XRRA1: variants seen among roughly 807,000 people sequenced by gnomAD.
XRRA1 encodes the protein X-ray radiation resistance-associated protein 1.
Under a neutral mutation model 80.2 loss-of-function variants are expected in XRRA1, and 69 were observed. The ratio of observed to expected loss-of-function variants is 0.86; its 90% CI spans 0.71 to 1.05. The LOEUF is 1.05. XRRA1 is among the 50% of genes least tolerant of loss of function. The probability of loss-of-function intolerance (pLI) is 0.00; values close to 1 mark genes in which losing one functional copy is unlikely to be tolerated. For synonymous variants in XRRA1, 348 were observed against 389.9 expected (o/e 0.89, Z 1.27); for missense variants, 967 against 976.4 (o/e 0.99, Z 0.13).
chr11:74,847,421 C>T lies in XRRA1; in HGVS notation c.1728+694G>A, dbSNP rs1365190552. 2.0e-5 allele frequency among the ~76,000 whole-genome samples: 3 copies of T among 152,310 alleles called. No individual in the cohort carries two copies. The East Asian group carries it at 5.8e-4, about 29-fold the overall frequency. On this transcript the variant is annotated intron_variant, in intron 15 of 18. Transcript: ENST00000684022. ...CCTTATATTACCCTTTGCCACATGC[C>T]ACCCTTCTGCTGCACTGACACTAAA...
chr11:74,906,104 C>T (rs2054520251), intron 10 of XRRA1, 135 bp downstream of exon 10: 2 of 786,688 alleles, frequency 2.5e-6, no homozygotes, highest in African/African-American at 3.5e-5. Flanking sequence ...AACATAGATG[C>T]AAACATCCTT....
intron 10 of XRRA1, among the ~76,000 whole-genome samples, chr11:74,874,772 C>T (rs1255109023): frequency 1.3e-5 from 2 of 152,222 alleles, no homozygotes; most frequent in African/African-American, 2.4e-5. Context: ...CTGAACATGA[C>T]TGTGAACAAG....
chr11:74,903,713 A>G (rs1053642624), intron 10 of XRRA1, among the ~76,000 whole-genome samples: 3 of 152,220 alleles, frequency 2.0e-5, no homozygotes, highest in African/African-American at 7.2e-5. Context: ...AAAAAAATAA[A>G]ATAAAAAGCC....
At chr11:74,869,256 G>C (rs772116567) in intron 10 of XRRA1, among the ~76,000 whole-genome samples, 2 of 152,048 alleles carry the variant, frequency 1.3e-5, no homozygotes, top group Admixed American at 6.6e-5. Flanking sequence ...GGTAAATAAT[G>C]AAATTAAGGG....
intron 10 of XRRA1, chr11:74,864,122 T>C (rs1178096823): frequency 1.3e-5 from 2 of 152,198 alleles, no homozygotes; most frequent in Non-Finnish European, 2.9e-5. Flanking sequence ...ACAGTTTATT[T>C]AACAAAAGTT....
At chr11:74,904,401 G>A (rs1446407784) in intron 10 of XRRA1, among the ~76,000 whole-genome samples, 2 of 151,758 alleles carry the variant, frequency 1.3e-5, no homozygotes, top group African/African-American at 4.8e-5. Flanking sequence ...CAACAATACA[G>A]TTTGAGCACG....
Position 74,906,386 on chromosome 11 carries a change from C to A in XRRA1, c.856G>T (p.Asp286Tyr), listed in dbSNP as rs533288710. 6.2e-7 allele frequency: 1 copy of A among 1,613,996 alleles called. No individual in the cohort carries two copies. The highest frequency in any genetic ancestry group is 1.7e-5 in the Admixed American group (1 of 60,014). ...IPYLQQVQLY[D>Y]ESVDWNGGRG... ...CCTCCATTCCAGTCTACTGACTCGT[C>A]ATAGAGCTGAACTTGCTGTAGGTAT... The change falls in exon 10 of 19, where the codon GAC (aspartate) becomes TAC (tyrosine). Residue 286 changes from aspartate (D) to tyrosine (Y), a missense_variant. Physicochemically the swap from Asp to Tyr is radical, Grantham distance 160 (BLOSUM62 -3). Coordinates refer to ENST00000684022, the MANE Select transcript of XRRA1 (RefSeq NM_001378157.1).
chr11:74,929,292 GTCTC>G (rs147009951), intron 6 of XRRA1, among the ~76,000 whole-genome samples: 1 of 151,276 alleles, frequency 6.6e-6, no homozygotes, highest in East Asian at 1.9e-4. Flanking sequence ...ATCTCTGTCT[GTCTC>G]TCTCTCTCTC....
At chr11:74,900,577 C>T (rs2053405824) in intron 10 of XRRA1, among the ~76,000 whole-genome samples, 1 of 143,878 alleles carries the variant, frequency 7.0e-6, no homozygotes, top group African/African-American at 2.5e-5. Flanking sequence ...AGTGAAACTC[C>T]ATCTCAAGAA....
chr11:74,873,453 T>A (rs1024556659), intron 10 of XRRA1, among the ~76,000 whole-genome samples: 2 of 152,226 alleles, frequency 1.3e-5, no homozygotes, highest in African/African-American at 4.8e-5. Context: ...TTTTTCTATA[T>A]AGCGTTACAT....
At chr11:74,905,660 G>C (rs951538264) in intron 10 of XRRA1, among the ~76,000 whole-genome samples, 3 of 152,168 alleles carry the variant, frequency 2.0e-5, no homozygotes, top group Non-Finnish European at 4.4e-5. Context: ...AGCAGTAGCT[G>C]AATCTAGTTT....
At chr11:74,889,725 GAAAACAA>G (rs1304525613) in intron 10 of XRRA1, among the ~76,000 whole-genome samples, 1 of 151,728 alleles carries the variant, frequency 6.6e-6, no homozygotes, top group Non-Finnish European at 1.5e-5. Context: ...CAAGCAAGTG[GAAAACAA>G]AAAAAGGCAG....
intron 4 of XRRA1, 86 bp downstream of exon 4, chr11:74,936,798 G>T: frequency 2.8e-6 from 4 of 1,447,450 alleles, no homozygotes; most frequent in East Asian, 4.9e-5. Context: ...ATTGGGGGTA[G>T]TTGTGCCAGA....
chr11:74,921,196 C>T lies in XRRA1; in HGVS notation c.656+18G>A. On this transcript the variant is annotated intron_variant, in intron 8 of 18. Transcript: ENST00000684022. ...TGTACACAAAAACACAGAATGGACT[C>T]CAGGAGGTAGAACTTACTGTTCTGC... 6.2e-7 allele frequency: 1 copy of T among 1,612,206 alleles called. No individual in the cohort carries two copies. Among genetic ancestry groups the T allele is most frequent in the Non-Finnish European group, 8.5e-7 (1 of 1,178,688 alleles).
intron 1 of XRRA1, among the ~76,000 whole-genome samples, chr11:74,946,601 G>C (rs912808114): frequency 2.6e-5 from 4 of 152,068 alleles, no homozygotes; most frequent in South Asian, 4.1e-4. Flanking sequence ...ACCCAGTCTT[G>C]AGCAGTTCTT....
intron 9 of XRRA1, 171 bp downstream of exon 9, chr11:74,906,973 TG>T: frequency 1.2e-6 from 1 of 809,290 alleles, no homozygotes; most frequent in Non-Finnish European, 1.9e-6. Flanking sequence ...GCCATTTTTA[TG>T]GAGGAGCCAA....
intron 11 of XRRA1, among the ~76,000 whole-genome samples, chr11:74,862,652 C>A (rs1267719635): frequency 1.3e-5 from 2 of 152,190 alleles, no homozygotes; most frequent in Non-Finnish European, 2.9e-5. Context: ...CACTTCAATG[C>A]CAATTTTATC....
intron 10 of XRRA1, among the ~76,000 whole-genome samples, chr11:74,894,264 G>A (rs1037672906): frequency 2.0e-5 from 3 of 152,138 alleles, no homozygotes; most frequent in Non-Finnish European, 2.9e-5. Context: ...CTACTTGAGG[G>A]TAGAGGGTGG....
intron 10 of XRRA1, among the ~76,000 whole-genome samples, chr11:74,865,268 C>T (rs1276244033): frequency 2.0e-5 from 3 of 152,178 alleles, no homozygotes; most frequent in Non-Finnish European, 4.4e-5. Context: ...CCAGCCTCTA[C>T]CTCACAGCAG....
Sources: gnomAD v4.1 joint callset for allele counts (sites outside exome capture counted in the v4.1 genomes callset) on GRCh38, gnomAD v4.1.1 for gene constraint, MANE v1.5 for transcripts, NCBI Gene and HGNC (gene_info 2026-07-23, HGNC 2026-07-21) for gene names.